The following ADAMTSL1 variants were observed in gnomAD, a reference collection of about 807,000 sequenced individuals.
ADAMTSL1 encodes the protein ADAMTS-like protein 1.
In ADAMTSL1, 126 loss-of-function variants were observed where a neutral mutation model predicts 201.8. That is an observed-to-expected ratio of 0.62 (90% CI 0.54 to 0.72). The LOEUF (loss-of-function observed/expected upper bound fraction) is 0.72, where lower values mean the gene tolerates loss of function less well. Among genes scored for constraint, ADAMTSL1 ranks in the 30% least tolerant of loss-of-function variants. ADAMTSL1 has a pLI of 0.00. For synonymous variants in ADAMTSL1, 1,121 were observed against 903.4 expected (o/e 1.24, Z -4.32); for missense variants, 2,679 against 2,277.8 (o/e 1.18, Z -3.59).
chr9:18,001,630 T>G (rs565064470), intron 1 of ADAMTSL1, among the ~76,000 whole-genome samples: 1 of 152,112 alleles, frequency 6.6e-6, no homozygotes, highest in African/African-American at 2.4e-5. Flanking sequence ...GGGAGAATGG[T>G]GTAGCAGTAA....
chr9:18,667,071 C>T (rs1043286260), intron 9 of ADAMTSL1, among the ~76,000 whole-genome samples: 18 of 151,694 alleles, frequency 1.2e-4, no homozygotes, highest in Admixed American at 3.3e-4. Flanking sequence ...CTATCACGGC[C>T]ACAATTATTA....
intron 2 of ADAMTSL1, among the ~76,000 whole-genome samples, chr9:18,369,248 G>T (rs567488536): frequency 6.6e-6 from 1 of 152,310 alleles, no homozygotes; most frequent in South Asian, 2.1e-4. Context: ...CAGCTCTCTA[G>T]TTGTGAGATC....
At chr9:18,407,937 G>A (rs1161918669) in intron 2 of ADAMTSL1, among the ~76,000 whole-genome samples, 6 of 152,036 alleles carry the variant, frequency 3.9e-5, no homozygotes, top group African/African-American at 1.4e-4. Context: ...ATGTTATAGG[G>A]GATGTTTCAG....
chr9:18,173,482 A>G lies in ADAMTSL1; in HGVS notation c.207+9501A>G, dbSNP rs79753935. Reference sequence around the variant, plus strand: ...TTGACCTTTGGAATTAACGAAAACCATTATCCTTTAAGGGAAAAATAATTC... The same window carrying G: ...TTGACCTTTGGAATTAACGAAAACCGTTATCCTTTAAGGGAAAAATAATTC... On this transcript the variant is annotated intron_variant, in intron 2 of 29. Transcript: ENST00000680146. 6.9e-3 allele frequency among the ~76,000 whole-genome samples: 1,057 copies of G among 152,182 alleles called. 12 individuals are homozygous for G. Among genetic ancestry groups the G allele is most frequent in the African/African-American group, 0.025 (1,018 of 41,536 alleles).
At chr9:18,258,881 T>C (rs996382608) in intron 2 of ADAMTSL1, among the ~76,000 whole-genome samples, 7 of 152,224 alleles carry the variant, frequency 4.6e-5, no homozygotes, top group Non-Finnish European at 7.3e-5. Flanking sequence ...CTCCTGATTA[T>C]TGAATGAAAT....
chr9:18,812,617 C>T (rs146480579), intron 20 of ADAMTSL1, among the ~76,000 whole-genome samples: 1 of 152,234 alleles, frequency 6.6e-6, no homozygotes, highest in East Asian at 1.9e-4. Flanking sequence ...AATTGCTGCC[C>T]AGACTAATGT....
chr9:18,294,706 C>T (rs1833404697), intron 2 of ADAMTSL1, among the ~76,000 whole-genome samples: 1 of 152,154 alleles, frequency 6.6e-6, no homozygotes, highest in Non-Finnish European at 1.5e-5. Context: ...CTGAGCTGTG[C>T]ACCCCCTTCT....
At chr9:18,730,662 A>G (rs1171033780) in intron 15 of ADAMTSL1, among the ~76,000 whole-genome samples, 1 of 152,240 alleles carries the variant, frequency 6.6e-6, no homozygotes, top group African/African-American at 2.4e-5. Context: ...ACCTAAGGGA[A>G]GAATGATTGT....
At chr9:18,904,824 A>G (rs115011860) in intron 26 of ADAMTSL1, among the ~76,000 whole-genome samples, 2 of 150,580 alleles carry the variant, frequency 1.3e-5, no homozygotes, top group South Asian at 2.1e-4. Context: ...CAGAAGAGCA[A>G]TAATTCGCCT....
At chr9:18,096,018 G>C (rs1224357683) in intron 1 of ADAMTSL1, among the ~76,000 whole-genome samples, 1 of 151,992 alleles carries the variant, frequency 6.6e-6, no homozygotes, top group Admixed American at 6.6e-5. Context: ...CTTCATTTCT[G>C]GTTGTCAGGA....
intron 4 of ADAMTSL1, among the ~76,000 whole-genome samples, chr9:18,615,323 G>A (rs1825629114): frequency 6.6e-6 from 1 of 152,208 alleles, no homozygotes; most frequent in Non-Finnish European, 1.5e-5. Context: ...GTGTGGCAGG[G>A]GGAGGGGTAG....
At chr9:18,743,141 AAT>A (rs1818938783) in intron 15 of ADAMTSL1, among the ~76,000 whole-genome samples, 1 of 152,206 alleles carries the variant, frequency 6.6e-6, no homozygotes, top group Non-Finnish European at 1.5e-5. Flanking sequence ...GTGATCAGAA[AAT>A]GGGAACCAGA....
intron 1 of ADAMTSL1, among the ~76,000 whole-genome samples, chr9:18,066,399 T>C (rs1395432626): frequency 1.3e-5 from 2 of 152,226 alleles, no homozygotes; most frequent in Non-Finnish European, 2.9e-5. Context: ...GGGTTATTTA[T>C]ATCTAATTAA....
rs527964910 is a variant in ADAMTSL1, at chr9:18,038,463, G to T, written c.88-125399G>T. On this transcript the variant is annotated intron_variant, in intron 1 of 29. Coordinates refer to the ADAMTSL1 transcript ENST00000680146. ...AAACTTTTTTTCACTTTAAATAAAA[G>T]TCCAGATTTTGAAAGCATAAAACAC... Among the ~76,000 whole-genome samples, 5 of 152,248 alleles carry T rather than the reference G, an allele frequency of 3.3e-5. No homozygotes were observed. The South Asian group carries it at 1.0e-3, about 32-fold the overall frequency.
chr9:18,602,718 C>A (rs1824742351), intron 4 of ADAMTSL1, among the ~76,000 whole-genome samples: 1 of 152,218 alleles, frequency 6.6e-6, no homozygotes, highest in Admixed American at 6.5e-5. Flanking sequence ...GACACAGTCA[C>A]TTCTCAGTTG....
chr9:18,277,049 T>C (rs1484869409), intron 2 of ADAMTSL1, among the ~76,000 whole-genome samples: 1 of 152,266 alleles, frequency 6.6e-6, no homozygotes, highest in Non-Finnish European at 1.5e-5. Flanking sequence ...TATTTGTGAA[T>C]TTTCCAAGAT....
intron 2 of ADAMTSL1, among the ~76,000 whole-genome samples, chr9:18,391,528 C>T (rs1021447517): frequency 6.6e-6 from 1 of 152,078 alleles, no homozygotes; most frequent in Non-Finnish European, 1.5e-5. Flanking sequence ...TCACTGTAGC[C>T]TTGAACTCCT....
chr9:18,152,472 G>T (rs1025898276), intron 1 of ADAMTSL1, among the ~76,000 whole-genome samples: 1 of 152,016 alleles, frequency 6.6e-6, no homozygotes, highest in Non-Finnish European at 1.5e-5. Flanking sequence ...GAGCTTAAAA[G>T]AATTGCAGGG....
intron 21 of ADAMTSL1, among the ~76,000 whole-genome samples, chr9:18,822,971 A>G (rs528954827): frequency 1.2e-4 from 19 of 152,302 alleles, no homozygotes; most frequent in African/African-American, 4.1e-4. Context: ...AGAAAAAGAA[A>G]AAAAAACTTT....
Sources: gnomAD v4.1 joint callset for allele counts (sites outside exome capture counted in the v4.1 genomes callset) on GRCh38, gnomAD v4.1.1 for gene constraint, MANE v1.5 for transcripts, NCBI Gene and HGNC (gene_info 2026-07-23, HGNC 2026-07-21) for gene names.